NAV3: variants seen among roughly 807,000 people sequenced by gnomAD.
The protein encoded by NAV3 is pore membrane and/or filament interacting like protein 1.
NAV3 carries 87 observed loss-of-function variants against 244.7 expected under a neutral mutation model. That is an observed-to-expected ratio of 0.36 (90% CI 0.30 to 0.42). The LOEUF (loss-of-function observed/expected upper bound fraction) is 0.42. Ranked by LOEUF, NAV3 falls within the 20% of genes least tolerant of loss-of-function variation. The pLI, the probability that NAV3 is intolerant of heterozygous loss-of-function variation, is 1.00. For missense variants in NAV3, 2,663 were observed against 2,893.3 expected (o/e 0.92, Z 1.83); for synonymous variants, 1,126 against 1,042.2 (o/e 1.08, Z -1.55).
At chr12:78,150,513 T>C (rs1331366182) in intron 22 of NAV3, among the ~76,000 whole-genome samples, 2 of 142,310 alleles carry the variant, frequency 1.4e-5, no homozygotes, top group Non-Finnish European at 3.1e-5. Flanking sequence ...TTTTTGTTTT[T>C]TTTTCTCTGA....
chr12:78,029,658 A>G (rs1332033657), intron 9 of NAV3, among the ~76,000 whole-genome samples: 2 of 152,190 alleles, frequency 1.3e-5, no homozygotes, highest in African/African-American at 4.8e-5. Context: ...TAACCTTTTA[A>G]TCCAAATACA....
intron 3 of NAV3, among the ~76,000 whole-genome samples, chr12:77,947,081 A>G (rs899048792): frequency 2.0e-5 from 3 of 152,090 alleles, no homozygotes; most frequent in South Asian, 2.1e-4. Context: ...TATAACATGT[A>G]TGTTGTTTAC....
intron 2 of NAV3, among the ~76,000 whole-genome samples, chr12:77,601,103 T>A (rs1044897138): frequency 6.6e-6 from 1 of 151,984 alleles, no homozygotes; most frequent in African/African-American, 2.4e-5. Context: ...TGGCAGTGCT[T>A]GATTTAAGTG....
At chr12:77,651,721 A>G (rs1872831344) in intron 2 of NAV3, among the ~76,000 whole-genome samples, 1 of 152,194 alleles carries the variant, frequency 6.6e-6, no homozygotes, top group Non-Finnish European at 1.5e-5. Flanking sequence ...AACAGAGTAA[A>G]ATGTGACCAT....
At chr12:77,906,056 A>G (rs368411642) in intron 1 of NAV3, among the ~76,000 whole-genome samples, 8 of 152,120 alleles carry the variant, frequency 5.3e-5, no homozygotes, top group African/African-American at 1.9e-4. Context: ...CTCCCTGAAA[A>G]TTGTGGAGCA....
intron 3 of NAV3, among the ~76,000 whole-genome samples, chr12:77,942,723 A>G (rs183014156): frequency 4.0e-4 from 61 of 152,334 alleles, no homozygotes; most frequent in South Asian, 8.3e-4. Flanking sequence ...AATGAACCTT[A>G]ATTAGAATGT....
At chr12:77,777,426 A>G (rs1870420452) in intron 2 of NAV3, among the ~76,000 whole-genome samples, 1 of 152,184 alleles carries the variant, frequency 6.6e-6, no homozygotes, top group African/African-American at 2.4e-5. Flanking sequence ...ATGTTAGGCT[A>G]CTATTGACCT....
chr12:77,901,127 T>C (rs1298132390), intron 1 of NAV3, among the ~76,000 whole-genome samples: 2 of 152,214 alleles, frequency 1.3e-5, no homozygotes, highest in African/African-American at 4.8e-5. Flanking sequence ...ATATTAGGCC[T>C]TTGTTGGATG....
intron 2 of NAV3, among the ~76,000 whole-genome samples, chr12:77,649,236 G>A (rs927121619): frequency 6.6e-6 from 1 of 152,208 alleles, no homozygotes; most frequent in African/African-American, 2.4e-5. Context: ...ATACCGCTAA[G>A]CATTGAGGAT....
intron 1 of NAV3, among the ~76,000 whole-genome samples, chr12:77,915,731 A>C (rs1887074525): frequency 6.6e-6 from 1 of 152,036 alleles, no homozygotes; most frequent in Non-Finnish European, 1.5e-5. Flanking sequence ...GTAGAGCTGT[A>C]AAGACAAAAA....
At chr12:77,666,961 A>T (rs186166346) in intron 2 of NAV3, among the ~76,000 whole-genome samples, 82 of 152,362 alleles carry the variant, frequency 5.4e-4, no homozygotes, top group African/African-American at 1.7e-3. Flanking sequence ...CATTTGTTAC[A>T]AATTTTATGA....
At chr12:77,779,752 C>A (rs539616383) in intron 2 of NAV3, among the ~76,000 whole-genome samples, 2 of 152,148 alleles carry the variant, frequency 1.3e-5, no homozygotes, top group Non-Finnish European at 2.9e-5. Flanking sequence ...CATCAACATG[C>A]GAGTTCTTTT....
At chr12:77,647,402 C>G (rs1167905849) in intron 2 of NAV3, among the ~76,000 whole-genome samples, 1 of 151,960 alleles carries the variant, frequency 6.6e-6, no homozygotes, top group Non-Finnish European at 1.5e-5. Flanking sequence ...TCAAGTAATT[C>G]ATCTTCTGAA....
intron 2 of NAV3, among the ~76,000 whole-genome samples, chr12:77,815,362 A>G (rs958172448): frequency 4.6e-5 from 7 of 152,134 alleles, no homozygotes; most frequent in Admixed American, 2.0e-4. Context: ...GTGAAATTTG[A>G]ATATCTTGCC....
intron 2 of NAV3, among the ~76,000 whole-genome samples, chr12:77,775,165 G>T (rs1870288361): frequency 6.6e-6 from 1 of 152,010 alleles, no homozygotes; most frequent in African/African-American, 2.4e-5. Flanking sequence ...GCCAAAGTGG[G>T]CAGATCACCT....
rs1305026551 is a variant in NAV3 at position 77,705,558 on chromosome 12, T to C, written c.72+133292T>C. On this transcript the variant is annotated intron_variant, in intron 2 of 8. Coordinates refer to the NAV3 transcript ENST00000550042. ...GATACTGTCTCTCCATTTTTTGGCA[T>C]TGCCTTCCAGTGCATGGCTACATCA... 2.6e-5 allele frequency among the ~76,000 whole-genome samples: 4 copies of C among 151,560 alleles called. 1 individual carries two copies. The highest frequency in any genetic ancestry group is 2.1e-4 in the South Asian group (1 of 4,822).
rs1383919290 is a variant in NAV3, at chr12:77,816,246, A to G, written c.73-124073A>G. ...TTATGATGGATTAATCCATAGTTTC[A>G]GACTTGTTCAACATCCTGCAGATAT... On this transcript the variant is annotated intron_variant, in intron 2 of 8. Coordinates refer to the NAV3 transcript ENST00000550042. Among the ~76,000 whole-genome samples the G allele has an allele frequency of 2.0e-5, 3 of 152,220 alleles. No individual in the cohort carries two copies. The East Asian group carries it at 5.8e-4, about 29-fold the overall frequency.
intron 2 of NAV3, among the ~76,000 whole-genome samples, chr12:77,710,347 G>T (rs1876047196): frequency 6.6e-6 from 1 of 152,018 alleles, no homozygotes; most frequent in Admixed American, 6.6e-5. Flanking sequence ...ACTTGACTCT[G>T]GGCAACTATT....
intron 2 of NAV3, among the ~76,000 whole-genome samples, chr12:77,797,568 C>T (rs1446895584): frequency 3.3e-5 from 4 of 120,304 alleles, no homozygotes; most frequent in Middle Eastern, 6.5e-3. Context: ...TTAGGCCGGG[C>T]GTGGTGGCTC....
Sources: gnomAD v4.1 joint callset for allele counts (sites outside exome capture counted in the v4.1 genomes callset) on GRCh38, gnomAD v4.1.1 for gene constraint, MANE v1.5 for transcripts, NCBI Gene and HGNC (gene_info 2026-07-23, HGNC 2026-07-21) for gene names.